LPCAT2: variants seen among roughly 807,000 people sequenced by gnomAD.
LPCAT2 encodes lysophosphatidylcholine acyltransferase 2, also known as 1-AGP acyltransferase 11.
In LPCAT2, 58 loss-of-function variants were observed where a neutral mutation model predicts 64.7. The observed-to-expected ratio is 0.90, with a 90% confidence interval of 0.73 to 1.12. The LOEUF is 1.12. LPCAT2 is among the 50% of genes most tolerant of loss of function. LPCAT2 has a pLI of 0.00. For missense variants in LPCAT2, 579 were observed against 669.8 expected, an observed-to-expected ratio of 0.86 and a Z score of 1.50; for synonymous variants, 252 against 245.3, an observed-to-expected ratio of 1.03 and a Z score of -0.26.
intron 11 of LPCAT2, among the ~76,000 whole-genome samples, chr16:55,567,993 G>T (rs1596884457): frequency 6.6e-6 from 1 of 152,224 alleles, no homozygotes; most frequent in Middle Eastern, 3.4e-3. Context: ...TTCCCATTAT[G>T]TAAAAAAATG....
At chr16:55,512,544 C>CA (rs58638453) in intron 1 of LPCAT2, among the ~76,000 whole-genome samples, 4,387 of 152,120 alleles carry the variant, frequency 0.029, 116 homozygotes, top group African/African-American at 0.065. Flanking sequence ...TCAAGACTAT[C>CA]AAAGTGACTA....
intron 2 of LPCAT2, among the ~76,000 whole-genome samples, chr16:55,526,272 C>T (rs1345377624): frequency 6.6e-6 from 1 of 152,060 alleles, no homozygotes; most frequent in Non-Finnish European, 1.5e-5. Context: ...GACAAAGCTA[C>T]TGGTAAAAGT....
intron 10 of LPCAT2, 34 bp from the exon 11 acceptor site, chr16:55,550,915 A>T (rs751379083): frequency 2.9e-5 from 43 of 1,505,248 alleles, no homozygotes; most frequent in Non-Finnish European, 3.5e-5. Flanking sequence ...GTAAAGGGCT[A>T]ATAACATGTA....
At chr16:55,510,809 A>G (rs1038867307) in intron 1 of LPCAT2, among the ~76,000 whole-genome samples, 19 of 152,214 alleles carry the variant, frequency 1.2e-4, no homozygotes, top group African/African-American at 4.6e-4. Context: ...TCAAGATTAA[A>G]TTTAGTCTGA....
In LPCAT2 at chr16:55,531,908, C is replaced by T; in HGVS notation, c.643-6C>T. The T allele has an allele frequency of 7.1e-6, 11 of 1,549,636 alleles. No individual in the cohort carries two copies. The highest frequency in any genetic ancestry group is 9.8e-6 in the Non-Finnish European group (11 of 1,124,138). On this transcript the variant is annotated splice_polypyrimidine_tract_variant and splice_region_variant and intron_variant, in intron 4 of 13. Transcript: ENST00000262134. The stretch of plus-strand genomic sequence containing the variant: ...GAAATATTAAATCTATTCCTTTTTT[C>T]CCAAGATACTAGTTTTCCCAGAAGG...
chr16:55,520,599 C>A (rs989207635), intron 1 of LPCAT2, among the ~76,000 whole-genome samples: 4 of 151,818 alleles, frequency 2.6e-5, no homozygotes, highest in African/African-American at 9.7e-5. Flanking sequence ...CCGACATAGA[C>A]CAAATGCTGG....
Position 55,583,006 on chromosome 16 carries a change from C to T in LPCAT2, c.1543C>T (p.Pro515Ser). The change falls in exon 14 of 14, where the codon CCA (proline) becomes TCA (serine). Residue 515 changes from proline (P) to serine (S), a missense_variant. By Grantham distance (74) the Pro-to-Ser change is moderately conservative (BLOSUM62 -1). Transcript: ENST00000262134. ...DLQTCHVFSL[P>S]KEVQTTPSTA... ...CCAGACGTGCCATGTGTTTTCATTA[C>T]CAAAAGAAGTCCAGACAACCCCCTC... is the stretch of plus-strand genomic sequence containing the variant. The T allele has an allele frequency of 6.2e-7, 1 of 1,613,712 alleles. No individual in the cohort carries two copies. Among genetic ancestry groups the T allele is most frequent in the Non-Finnish European group, 8.5e-7 (1 of 1,179,782 alleles).
intron 11 of LPCAT2, among the ~76,000 whole-genome samples, chr16:55,557,723 G>A (rs939461129): frequency 2.0e-5 from 3 of 151,920 alleles, no homozygotes; most frequent in Admixed American, 1.3e-4. Flanking sequence ...GTGCTATTGT[G>A]GTTGGCATTT....
At position 55,567,547 on chromosome 16, in the gene LPCAT2, G is replaced by A. The variant is rs546093792; in HGVS notation, c.1216-7084G>A. 5.1e-6 allele frequency: 8 copies of A among 1,576,966 alleles called. No homozygotes were observed. The South Asian group carries it at 8.3e-5, about 16-fold the overall frequency. Reference sequence around the variant, plus strand: ...AAGATCCTCCCTGGAGGACAGGACTGAAAACCTTGCCAAGCTGTACACAGT... The same window carrying A: ...AAGATCCTCCCTGGAGGACAGGACTAAAAACCTTGCCAAGCTGTACACAGT... On this transcript the variant is annotated intron_variant, in intron 11 of 13. Transcript: ENST00000262134.
At chr16:55,530,515 C>T (rs1203415077) in intron 4 of LPCAT2, among the ~76,000 whole-genome samples, 1 of 151,804 alleles carries the variant, frequency 6.6e-6, no homozygotes, top group Admixed American at 6.6e-5. Context: ...ACATTTACTG[C>T]AAAATAAGCC....
intron 9 of LPCAT2, among the ~76,000 whole-genome samples, chr16:55,547,750 T>G (rs1342026962): frequency 1.3e-5 from 2 of 152,156 alleles, no homozygotes; most frequent in Non-Finnish European, 2.9e-5. Context: ...AGAAAAAATA[T>G]TTTAGATAGA....
At chr16:55,571,428 G>C (rs1039615689) in intron 11 of LPCAT2, among the ~76,000 whole-genome samples, 1 of 152,090 alleles carries the variant, frequency 6.6e-6, no homozygotes, top group Non-Finnish European at 1.5e-5. Flanking sequence ...CTGACTTCCA[G>C]GAAAGGGATG....
chr16:55,519,477 C>T (rs2142391698), intron 1 of LPCAT2, among the ~76,000 whole-genome samples: 1 of 149,938 alleles, frequency 6.7e-6, no homozygotes, highest in South Asian at 2.1e-4. Flanking sequence ...TCACTGCACT[C>T]CAGCCTGGGA....
At chr16:55,566,775 C>G in intron 11 of LPCAT2, 3 of 1,612,640 alleles carry the variant, frequency 1.9e-6, no homozygotes, top group Non-Finnish European at 2.5e-6. Flanking sequence ...TGCAAAGGCT[C>G]TATTGGAAGG....
chr16:55,516,268 C>G (rs1963009651), intron 1 of LPCAT2, among the ~76,000 whole-genome samples: 1 of 129,438 alleles, frequency 7.7e-6, no homozygotes, highest in Admixed American at 8.2e-5. Context: ...CCACACCCAA[C>G]AAATTTTTGT....
chr16:55,532,168 T>C, intron 5 of LPCAT2, 194 bp downstream of exon 5: 2 of 527,970 alleles, frequency 3.8e-6, no homozygotes, highest in Admixed American at 3.2e-5. Context: ...TCCTCTCCCC[T>C]TGGAGTGTCC....
At chr16:55,538,645 T>G (rs560168946) in intron 8 of LPCAT2, 59 of 139,068 alleles carry the variant, frequency 4.2e-4, no homozygotes, top group African/African-American at 1.4e-3. Flanking sequence ...ACACCCCCAC[T>G]TTTAAAACCA....
At chr16:55,520,280 A>G (rs549347215) in intron 1 of LPCAT2, among the ~76,000 whole-genome samples, 18 of 152,264 alleles carry the variant, frequency 1.2e-4, no homozygotes, top group African/African-American at 4.1e-4. Flanking sequence ...ACATGTCATG[A>G]TATCAGATAT....
intron 10 of LPCAT2, among the ~76,000 whole-genome samples, chr16:55,549,868 AAAG>A (rs1963496170): frequency 2.0e-5 from 3 of 152,200 alleles, no homozygotes; most frequent in Admixed American, 2.0e-4. Flanking sequence ...TTTTTAAAAA[AAAG>A]GCAAAAATCT....
Sources: allele counts gnomAD v4.1 joint callset (sites outside exome capture counted in the v4.1 genomes callset), GRCh38; gene constraint gnomAD v4.1.1; transcripts MANE v1.5; gene names NCBI Gene and HGNC (gene_info 2026-07-23, HGNC 2026-07-21).